The following CARF variants were observed in gnomAD, a reference collection of about 807,000 sequenced individuals.
CARF encodes the protein calcium responsive transcription factor.
CARF carries 57 observed loss-of-function variants against 82.0 expected under a neutral mutation model. The ratio of observed to expected loss-of-function variants is 0.70; its 90% CI spans 0.56 to 0.87. The LOEUF is 0.87. Ranked by LOEUF, CARF falls within the 40% of genes least tolerant of loss-of-function variation. The pLI is 0.00. For synonymous variants in CARF, 268 were observed against 290.1 expected, an observed-to-expected ratio of 0.92 and a Z score of 0.77; for missense variants, 771 against 855.8, an observed-to-expected ratio of 0.90 and a Z score of 1.24.
chr2:202,962,835 A>G (rs1312802606), intron 9 of CARF: 1 of 152,178 alleles, frequency 6.6e-6, no homozygotes, highest in African/African-American at 2.4e-5. Context: ...ACCAAACCAC[A>G]AGTATTTTTC....
intron 3 of CARF, among the ~76,000 whole-genome samples, chr2:202,935,248 T>C (rs1478966948): frequency 6.9e-6 from 1 of 144,290 alleles, no homozygotes; most frequent in African/African-American, 2.5e-5. Context: ...TATATATTTG[T>C]ATATTATATA....
chr2:202,942,026 C>A, intron 4 of CARF, 46 bp downstream of exon 4: 1 of 1,437,144 alleles, frequency 7.0e-7, no homozygotes, highest in Non-Finnish European at 9.8e-7. Flanking sequence ...GGTAAAACAG[C>A]ATGCCATTTA....
intron 5 of CARF, among the ~76,000 whole-genome samples, chr2:202,950,903 G>A (rs187470215): frequency 5.3e-5 from 8 of 152,258 alleles, no homozygotes; most frequent in Admixed American, 4.6e-4. Context: ...GAACATTGGG[G>A]AAGGAAGGAA....
chr2:202,941,811 C>A, intron 3 of CARF, 49 bp from the exon 4 acceptor site: 1 of 940,970 alleles, frequency 1.1e-6, no homozygotes, highest in Non-Finnish European at 1.7e-6. Context: ...TAAAACAGTC[C>A]ACAAAAATAC....
chr2:202,969,014 G>A (rs2059665360), intron 10 of CARF, among the ~76,000 whole-genome samples: 1 of 152,172 alleles, frequency 6.6e-6, no homozygotes, highest in South Asian at 2.1e-4. Flanking sequence ...TAGAGGCCAG[G>A]TGTGGTGGCT....
chr2:202,942,120 T>C (rs1360700592), intron 4 of CARF, 140 bp downstream of exon 4: 1 of 600,788 alleles, frequency 1.7e-6, no homozygotes, highest in Non-Finnish European at 3.0e-6. Context: ...ACACCTGTGA[T>C]CCCAGCACTT....
At chr2:202,933,711 T>G (rs1229860304) in intron 3 of CARF, among the ~76,000 whole-genome samples, 5 of 152,138 alleles carry the variant, frequency 3.3e-5, no homozygotes, top group African/African-American at 4.8e-5. Flanking sequence ...ATTGTCTTTG[T>G]GGGGGAAATG....
intron 3 of CARF, among the ~76,000 whole-genome samples, chr2:202,930,707 G>C (rs191092591): frequency 2.0e-5 from 3 of 152,044 alleles, no homozygotes; most frequent in Admixed American, 2.0e-4. Flanking sequence ...TTGGCAACTC[G>C]TAGCCTTTTT....
chr2:202,932,530 G>A (rs1693123308), intron 3 of CARF, among the ~76,000 whole-genome samples: 1 of 152,086 alleles, frequency 6.6e-6, no homozygotes, highest in African/African-American at 2.4e-5. Context: ...GCTACAGTTT[G>A]GGAACATGAG....
intron 9 of CARF, among the ~76,000 whole-genome samples, chr2:202,964,966 T>C (rs937630575): frequency 1.3e-5 from 2 of 151,486 alleles, no homozygotes; most frequent in Non-Finnish European, 2.9e-5. Flanking sequence ...AACAGTAACT[T>C]TGTAATGTTA....
In CARF at chr2:202,982,143, G is replaced by T; in HGVS notation, c.1761G>T (p.Pro587=). 6.2e-7 allele frequency: 1 copy of T among 1,614,080 alleles called. No individual in the cohort carries two copies. Among genetic ancestry groups the T allele is most frequent in the African/African-American group, 1.3e-5 (1 of 75,052 alleles). The stretch of plus-strand genomic sequence containing the variant: ...CTGTGGTATCAGTAAATAACCAGCC[G>T]TCCTCTAGTCCTTCAGGACTTCTGG... ...SPAVVSVNNQ[P]SSSPSGLLDT... The change falls in exon 16 of 17, where the codon CCG becomes CCT. Residue 587 remains proline (P), a synonymous_variant. Coordinates refer to ENST00000438828, the MANE Select transcript of CARF (RefSeq NM_024744.17).
Position 202,961,277 on chromosome 2 carries a change from C to T in CARF, c.683C>T (p.Thr228Ile). The T allele has an allele frequency of 6.2e-7, 1 of 1,613,982 alleles. No homozygotes were observed. The highest frequency in any genetic ancestry group is 8.5e-7 in the Non-Finnish European group (1 of 1,179,960). Residue 228 changes from threonine (T) to isoleucine (I), a missense_variant, in exon 9 of 17, where the codon ACT becomes ATT. Physicochemically the swap from Thr to Ile is moderately conservative, Grantham distance 89. Transcript: ENST00000438828. ...DSYRGYCVSETELESVLTFHK... is the reference protein window; with the variant it reads ...DSYRGYCVSEIELESVLTFHK... ...TACCGTGGCTACTGTGTAAGTGAGA[C>T]TGAATTAGAAAGTGTCCTAACATTT...
intron 3 of CARF, among the ~76,000 whole-genome samples, chr2:202,927,357 T>C (rs987766398): frequency 3.3e-5 from 5 of 152,150 alleles, no homozygotes; most frequent in Non-Finnish European, 7.3e-5. Context: ...CTTTTAAAAA[T>C]ATTTTTAATT....
At chr2:202,931,574 G>A (rs942489476) in intron 3 of CARF, among the ~76,000 whole-genome samples, 7 of 152,144 alleles carry the variant, frequency 4.6e-5, no homozygotes, top group Admixed American at 4.6e-4. Context: ...TGGAACAATT[G>A]CCTTTTCTAA....
chr2:202,964,461 T>TG (rs903371992), intron 9 of CARF, among the ~76,000 whole-genome samples: 2 of 151,992 alleles, frequency 1.3e-5, no homozygotes, highest in African/African-American at 2.4e-5. Flanking sequence ...TGTATTTTTT[T>TG]GGAGAGATGA....
chr2:202,930,605 T>C (rs978780220), intron 3 of CARF, among the ~76,000 whole-genome samples: 17 of 152,236 alleles, frequency 1.1e-4, no homozygotes, highest in African/African-American at 4.1e-4. Context: ...AATTTCTTGT[T>C]CATATTGTGA....
chr2:202,980,636 A>ATATATATG (rs1479366675), intron 14 of CARF, among the ~76,000 whole-genome samples: 1 of 63,924 alleles, frequency 1.6e-5, no homozygotes, highest in Non-Finnish European at 3.8e-5. Context: ...ATATATATAT[A>ATATATATG]TATATATATA....
At position 202,988,219 on chromosome 2, in the gene CARF, T is replaced by G. The variant is rs975797704; in HGVS notation, c.*4595T>G. 4.6e-5 allele frequency among the ~76,000 whole-genome samples: 7 copies of G among 152,216 alleles called. No individual in the cohort carries two copies. Among genetic ancestry groups the G allele is most frequent in the African/African-American group, 1.4e-4 (6 of 41,460 alleles). Reference sequence around the variant, plus strand: ...TTCTTTTGATGATGGACATTAATAGTTCTAGGCTATTATGAATAAAGTTTC... The same window carrying G: ...TTCTTTTGATGATGGACATTAATAGGTCTAGGCTATTATGAATAAAGTTTC... On this transcript the variant is annotated 3_prime_UTR_variant, in exon 17 of 17. Coordinates refer to ENST00000438828, the MANE Select transcript of CARF (RefSeq NM_024744.17).
intron 5 of CARF, among the ~76,000 whole-genome samples, chr2:202,951,627 C>G (rs188788103): frequency 6.6e-6 from 1 of 152,062 alleles, no homozygotes; most frequent in East Asian, 1.9e-4. Context: ...TCTTCAACTT[C>G]ATATGTCTTT....
Sources: gnomAD v4.1 joint callset for allele counts (sites outside exome capture counted in the v4.1 genomes callset) on GRCh38, gnomAD v4.1.1 for gene constraint, MANE v1.5 for transcripts, NCBI Gene and HGNC (gene_info 2026-07-23, HGNC 2026-07-21) for gene names.